Variants in NLN observed in about 807,000 individuals in gnomAD.
NLN encodes the protein neurolysin, also known as neurolysin, mitochondrial.
In NLN, 64 loss-of-function variants were observed where a neutral mutation model predicts 79.9. The observed-to-expected ratio is 0.80, with a 90% CI of 0.65 to 0.99. The LOEUF (loss-of-function observed/expected upper bound fraction) is 0.99. Ranked by LOEUF, NLN falls within the 50% of genes least tolerant of loss-of-function variation. The pLI is 0.00. For missense variants in NLN, 835 were observed against 858.7 expected, an observed-to-expected ratio of 0.97 and a Z score of 0.34; for synonymous variants, 267 against 296.6, an observed-to-expected ratio of 0.90 and a Z score of 1.02.
At chr5:65,788,588 C>T in intron 8 of NLN, 104 bp downstream of exon 8, 1 of 1,204,318 alleles carries the variant, frequency 8.3e-7, no homozygotes, top group Non-Finnish European at 1.2e-6. Context: ...GTAATCCCAA[C>T]ACTTTGGGAG....
At chr5:65,737,125 C>T (rs1276368773) in intron 1 of NLN, among the ~76,000 whole-genome samples, 5 of 151,616 alleles carry the variant, frequency 3.3e-5, no homozygotes, top group Non-Finnish European at 5.9e-5. Flanking sequence ...CAGAGGGAGA[C>T]TGTCTCCAAA....
At chr5:65,770,001 A>AC (rs1245092230) in intron 3 of NLN, among the ~76,000 whole-genome samples, 6 of 152,196 alleles carry the variant, frequency 3.9e-5, no homozygotes, top group African/African-American at 1.2e-4. Context: ...GACATAAGTT[A>AC]CCCATTTGGA....
In NLN at chr5:65,733,519, T is replaced by C; in HGVS notation, c.41+11105T>C. 5 of 1,428,918 alleles carry C rather than the reference T, an allele frequency of 3.5e-6. 1 individual carries two copies. Among genetic ancestry groups the C allele is most frequent in the Non-Finnish European group, 4.9e-6 (5 of 1,027,376 alleles). The allele number at this position is 1,428,918 out of a possible 1,614,324, so 88.5% of individuals were successfully genotyped here. A position where few individuals can be genotyped will look rare whatever the true frequency, so the allele number is the denominator to read the frequency against. The stretch of plus-strand genomic sequence containing the variant: ...AGGGGTCATGCCAATTGGGAGATCC[T>C]TGCCCCAATTCGGGCTGAGCTGATG... On this transcript the variant is annotated intron_variant, in intron 1 of 12. Coordinates refer to ENST00000380985, the MANE Select transcript of NLN (RefSeq NM_020726.5).
chr5:65,734,352 G>A (rs1561178189), intron 1 of NLN, among the ~76,000 whole-genome samples: 1 of 137,796 alleles, frequency 7.3e-6, no homozygotes, highest in Non-Finnish European at 1.6e-5. Flanking sequence ...CGTGCTGACT[G>A]TGAGTGGAAA....
At chr5:65,776,673 G>A (rs1759685493) in intron 3 of NLN, among the ~76,000 whole-genome samples, 1 of 152,206 alleles carries the variant, frequency 6.6e-6, no homozygotes, top group African/African-American at 2.4e-5. Flanking sequence ...ACCTGCTTTA[G>A]AGAAACATCT....
At chr5:65,793,057 CT>C in intron 9 of NLN, 2 of 288,064 alleles carry the variant, frequency 6.9e-6, no homozygotes, top group Non-Finnish European at 1.4e-5. Context: ...AGACCCTTTA[CT>C]CATTTTTAAA....
At chr5:65,800,130 G>A (rs911853758) in intron 9 of NLN, among the ~76,000 whole-genome samples, 2 of 152,136 alleles carry the variant, frequency 1.3e-5, no homozygotes, top group East Asian at 3.9e-4. Context: ...GTTGGGATTT[G>A]CTATCATGGA....
At chr5:65,800,104 A>G (rs1013475702) in intron 9 of NLN, among the ~76,000 whole-genome samples, 3 of 152,208 alleles carry the variant, frequency 2.0e-5, no homozygotes, top group African/African-American at 7.2e-5. Context: ...GATTTCAGCA[A>G]CTGCCTTTTC....
intron 12 of NLN, among the ~76,000 whole-genome samples, chr5:65,820,059 T>A (rs1417171182): frequency 1.3e-5 from 2 of 152,232 alleles, no homozygotes; most frequent in East Asian, 3.8e-4. Flanking sequence ...GAAATGATTT[T>A]ACCATTCATG....
intron 9 of NLN, among the ~76,000 whole-genome samples, chr5:65,795,505 G>T (rs1760156747): frequency 6.6e-6 from 1 of 152,146 alleles, no homozygotes; most frequent in Non-Finnish European, 1.5e-5. Context: ...TGGCCAACAT[G>T]GCAAAACCCC....
At chr5:65,778,266 A>C (rs996330765) in intron 4 of NLN, among the ~76,000 whole-genome samples, 1 of 152,242 alleles carries the variant, frequency 6.6e-6, no homozygotes, top group Non-Finnish European at 1.5e-5. Context: ...GTTCAAAAAT[A>C]AACTTGGCTC....
chr5:65,812,070 A>G (rs928728213), intron 11 of NLN, among the ~76,000 whole-genome samples, 185 bp from the exon 12 acceptor site: 3 of 152,184 alleles, frequency 2.0e-5, no homozygotes, highest in African/African-American at 7.2e-5. Flanking sequence ...AGGTTGAGCC[A>G]TTGATAGATG....
intron 7 of NLN, among the ~76,000 whole-genome samples, chr5:65,787,397 T>C (rs1358066063): frequency 6.6e-6 from 1 of 152,192 alleles, no homozygotes; most frequent in Non-Finnish European, 1.5e-5. Context: ...TTCCTCGGGC[T>C]GCTCCTCCAT....
chr5:65,790,632 G>C (rs879895321), intron 8 of NLN, among the ~76,000 whole-genome samples: 1 of 152,178 alleles, frequency 6.6e-6, no homozygotes, highest in African/African-American at 2.4e-5. Flanking sequence ...CACGACACGT[G>C]GGGATTATGA....
At chr5:65,798,917 G>A (rs931529681) in intron 9 of NLN, among the ~76,000 whole-genome samples, 2 of 152,168 alleles carry the variant, frequency 1.3e-5, no homozygotes. Context: ...GTCTCACTCT[G>A]TCACTCAGGC....
intron 12 of NLN, among the ~76,000 whole-genome samples, chr5:65,814,460 A>C (rs970919180): frequency 3.3e-5 from 5 of 152,158 alleles, no homozygotes; most frequent in African/African-American, 1.2e-4. Context: ...TCATCTGTGC[A>C]TCTCAAAAAT....
At chr5:65,756,148 T>C (rs1759213388) in intron 1 of NLN, among the ~76,000 whole-genome samples, 1 of 152,138 alleles carries the variant, frequency 6.6e-6, no homozygotes, top group Admixed American at 6.6e-5. Flanking sequence ...TGGCCTAATA[T>C]TCCTTCTCCC....
intron 1 of NLN, among the ~76,000 whole-genome samples, chr5:65,725,260 G>A (rs1579900309): frequency 6.6e-6 from 1 of 152,330 alleles, no homozygotes; most frequent in East Asian, 1.9e-4. Flanking sequence ...AAGTTGGAAA[G>A]AAGAATATTT....
chr5:65,814,942 T>G (rs1223558819), intron 12 of NLN, among the ~76,000 whole-genome samples: 2 of 152,202 alleles, frequency 1.3e-5, no homozygotes, highest in East Asian at 3.8e-4. Context: ...CATCAAAATG[T>G]CAATGATTAT....
Sources: gnomAD v4.1 joint callset for allele counts (sites outside exome capture counted in the v4.1 genomes callset) on GRCh38, gnomAD v4.1.1 for gene constraint, MANE v1.5 for transcripts, NCBI Gene and HGNC (gene_info 2026-07-23, HGNC 2026-07-21) for gene names.